AP3S2: variants seen among roughly 807,000 people sequenced by gnomAD.
AP3S2 encodes AP-3 complex subunit sigma-2.
A neutral mutation model predicts 23.4 loss-of-function variants in AP3S2; 22 were observed. That is an observed-to-expected ratio of 0.94 (90% CI 0.67 to 1.34). The LOEUF is 1.34. Ranked by LOEUF, AP3S2 falls within the 40% of genes most tolerant of loss-of-function variation. AP3S2 has a pLI of 0.00. For missense variants in AP3S2, 241 were observed against 236.9 expected (o/e 1.02, Z -0.11); for synonymous variants, 86 against 87.1 (o/e 0.99, Z 0.07).
At chr15:89,871,095 G>A (rs756604218) in intron 4 of AP3S2, among the ~76,000 whole-genome samples, 3 of 152,206 alleles carry the variant, frequency 2.0e-5, no homozygotes, top group Non-Finnish European at 1.5e-5. Context: ...AAGCCCCTGC[G>A]TCATGATTAT....
intron 4 of AP3S2, among the ~76,000 whole-genome samples, chr15:89,845,095 C>T (rs1316577176): frequency 2.6e-5 from 4 of 151,366 alleles, no homozygotes; most frequent in African/African-American, 9.7e-5. Flanking sequence ...TTAGTAGAGA[C>T]GAGGTTTTAC....
intron 3 of AP3S2, among the ~76,000 whole-genome samples, chr15:89,877,624 G>T (rs901623233): frequency 6.6e-6 from 1 of 152,078 alleles, no homozygotes; most frequent in Non-Finnish European, 1.5e-5. Context: ...CGAGGCAGGT[G>T]GATCACTTGA....
intron 4 of AP3S2, among the ~76,000 whole-genome samples, chr15:89,851,152 T>C (rs952863149): frequency 1.3e-5 from 2 of 152,168 alleles, no homozygotes; most frequent in Non-Finnish European, 2.9e-5. Flanking sequence ...AGATTAAACA[T>C]GTACAGAATT....
At chr15:89,840,915 G>A (rs1200588771) in intron 4 of AP3S2, among the ~76,000 whole-genome samples, 1 of 152,072 alleles carries the variant, frequency 6.6e-6, no homozygotes, top group African/African-American at 2.4e-5. Flanking sequence ...CTGACCCCTA[G>A]TCCACATGAA....
At chr15:89,867,861 A>C (rs1270103289) in intron 4 of AP3S2, among the ~76,000 whole-genome samples, 3 of 118,260 alleles carry the variant, frequency 2.5e-5, no homozygotes, top group African/African-American at 3.2e-5. Flanking sequence ...CCCGGCAGCC[A>C]CCCCATCTGG....
intron 4 of AP3S2, among the ~76,000 whole-genome samples, chr15:89,867,708 C>A (rs7496979): frequency 0.67 from 81,724 of 121,918 alleles, 27,395 homozygotes; most frequent in East Asian, 0.76. Flanking sequence ...GCCGAGACCC[C>A]GTCTGGGAGG....
intron 1 of AP3S2, among the ~76,000 whole-genome samples, chr15:89,889,684 A>C (rs991981568): frequency 1.1e-4 from 16 of 152,062 alleles, no homozygotes; most frequent in African/African-American, 2.2e-4. Flanking sequence ...AAATACAAAA[A>C]AAAACAAAAC....
intron 4 of AP3S2, among the ~76,000 whole-genome samples, chr15:89,855,940 T>C (rs1403762623): frequency 4.8e-5 from 5 of 104,414 alleles, no homozygotes; most frequent in African/African-American, 7.3e-5. Context: ...ATATGATATG[T>C]CCTTTAAAAA....
intron 5 of AP3S2, among the ~76,000 whole-genome samples, chr15:89,836,526 G>C (rs968672475): frequency 2.0e-5 from 3 of 152,144 alleles, no homozygotes; most frequent in Non-Finnish European, 4.4e-5. Context: ...AAGGTGGGGG[G>C]TATCACAGAT....
intron 1 of AP3S2, chr15:89,893,496 A>C (rs1896866636): frequency 1.0e-5 from 4 of 395,532 alleles, no homozygotes; most frequent in Non-Finnish European, 1.8e-5. Flanking sequence ...AACTTTCAGA[A>C]ACTTAATATT....
intron 4 of AP3S2, among the ~76,000 whole-genome samples, chr15:89,867,905 C>A (rs921359530): frequency 1.5e-5 from 2 of 130,718 alleles, no homozygotes; most frequent in Admixed American, 1.5e-4. Context: ...GCAGCCACCC[C>A]GTCCGGGAGG....
chr15:89,855,571 A>G (rs1895809506), intron 4 of AP3S2, among the ~76,000 whole-genome samples: 1 of 147,448 alleles, frequency 6.8e-6, no homozygotes, highest in Non-Finnish European at 1.5e-5. Flanking sequence ...TTCCCAGGCC[A>G]GCTGTGGTGG....
intron 4 of AP3S2, among the ~76,000 whole-genome samples, chr15:89,848,153 CAG>C (rs1895542474): frequency 6.6e-6 from 1 of 152,220 alleles, no homozygotes; most frequent in African/African-American, 2.4e-5. Flanking sequence ...CTACAAAAGA[CAG>C]AGGCTCACAT....
chr15:89,861,624 C>A (rs1896011459), intron 4 of AP3S2, among the ~76,000 whole-genome samples: 1 of 152,072 alleles, frequency 6.6e-6, no homozygotes, highest in African/African-American at 2.4e-5. Flanking sequence ...TGAAATCAGA[C>A]CTTACTCCAG....
chr15:89,872,566 T>A (rs1363403120), intron 3 of AP3S2, among the ~76,000 whole-genome samples: 1 of 152,210 alleles, frequency 6.6e-6, no homozygotes, highest in Non-Finnish European at 1.5e-5. Flanking sequence ...ATTTAAACAA[T>A]CTCATTGTCA....
chr15:89,872,154 A>G (rs1364509250), intron 3 of AP3S2, among the ~76,000 whole-genome samples: 1 of 151,854 alleles, frequency 6.6e-6, no homozygotes, highest in Non-Finnish European at 1.5e-5. Flanking sequence ...AATTACATAA[A>G]AGAATAACAA....
chr15:89,859,385 CCTTTT>C (rs1290432141), intron 4 of AP3S2, among the ~76,000 whole-genome samples: 2 of 86,232 alleles, frequency 2.3e-5, no homozygotes, highest in Non-Finnish European at 4.5e-5. Context: ...TTCCTTCCTT[CCTTTT>C]CTTTCTTTCT....
chr15:89,856,701 C>CA (rs34735772), intron 4 of AP3S2, among the ~76,000 whole-genome samples: 1,781 of 75,078 alleles, frequency 0.024, 46 homozygotes, highest in Non-Finnish European at 0.035. Flanking sequence ...GACTCCATCT[C>CA]AAAAAAAAAA....
intron 4 of AP3S2, among the ~76,000 whole-genome samples, chr15:89,839,550 T>C (rs1393588437): frequency 6.6e-6 from 1 of 152,248 alleles, no homozygotes; most frequent in Non-Finnish European, 1.5e-5. Flanking sequence ...CCTGGGGGAA[T>C]TCCACTGTTT....
Sources: gnomAD v4.1 joint callset for allele counts (sites outside exome capture counted in the v4.1 genomes callset) on GRCh38, gnomAD v4.1.1 for gene constraint, MANE v1.5 for transcripts, NCBI Gene and HGNC (gene_info 2026-07-23, HGNC 2026-07-21) for gene names.